The following CTNNA1 variants were observed in gnomAD, a reference collection of about 807,000 sequenced individuals.
CTNNA1 encodes catenin alpha 1.
A neutral mutation model predicts 98.4 loss-of-function variants in CTNNA1; 37 were observed. The ratio of observed to expected loss-of-function variants is 0.38; its 90% confidence interval spans 0.29 to 0.49. CTNNA1 has a LOEUF of 0.49. Among genes scored for constraint, CTNNA1 ranks in the 20% least tolerant of loss-of-function variants. The pLI is 0.95. For missense variants in CTNNA1, 761 were observed against 1,147.2 expected (o/e 0.66, Z 4.86); for synonymous variants, 404 against 413.2 (o/e 0.98, Z 0.27).
chr5:138,775,325 G>A (rs1414892191), intron 1 of CTNNA1, among the ~76,000 whole-genome samples: 2 of 152,144 alleles, frequency 1.3e-5, no homozygotes, highest in Non-Finnish European at 1.5e-5. Flanking sequence ...CATTTCCTAA[G>A]GTTCACTGAC....
intron 10 of CTNNA1, among the ~76,000 whole-genome samples, chr5:138,915,016 G>A (rs903386724): frequency 3.9e-5 from 6 of 152,016 alleles, no homozygotes; most frequent in African/African-American, 7.2e-5. Flanking sequence ...ATGTGGTGGC[G>A]GGCGCCTGTA....
intron 1 of CTNNA1, among the ~76,000 whole-genome samples, chr5:138,780,273 T>G (rs942919467): frequency 1.3e-5 from 2 of 151,850 alleles, no homozygotes; most frequent in African/African-American, 4.8e-5. Context: ...TACTGCAAGC[T>G]CCGTCTCTGG....
At chr5:138,856,241 C>T (rs977637367) in intron 7 of CTNNA1, among the ~76,000 whole-genome samples, 11 of 152,188 alleles carry the variant, frequency 7.2e-5, no homozygotes, top group South Asian at 2.1e-4. Context: ...TGTATATGAA[C>T]GTAACAAATT....
intron 5 of CTNNA1, among the ~76,000 whole-genome samples, chr5:138,813,637 T>C (rs555425969): frequency 1.3e-5 from 2 of 152,284 alleles, no homozygotes; most frequent in South Asian, 2.1e-4. Context: ...AAAAAAATTT[T>C]TTTTGAGGCA....
At chr5:138,862,375 A>G (rs1010431802) in intron 7 of CTNNA1, among the ~76,000 whole-genome samples, 8 of 152,252 alleles carry the variant, frequency 5.3e-5, no homozygotes, top group Admixed American at 1.3e-4. Context: ...AAGGAACGTA[A>G]TAGTGATCCT....
intron 13 of CTNNA1, among the ~76,000 whole-genome samples, chr5:138,928,217 C>T (rs1345244024): frequency 6.6e-6 from 1 of 152,292 alleles, no homozygotes; most frequent in South Asian, 2.1e-4. Context: ...CCTGCTGCCC[C>T]CTTACTGATA....
At chr5:138,917,110 T>C (rs1015469796) in intron 10 of CTNNA1, among the ~76,000 whole-genome samples, 2 of 152,232 alleles carry the variant, frequency 1.3e-5, no homozygotes, top group Non-Finnish European at 2.9e-5. Flanking sequence ...TATACATTTT[T>C]TGAGCAGTTT....
intron 3 of CTNNA1, among the ~76,000 whole-genome samples, chr5:138,792,688 A>G (rs1756509090): frequency 6.6e-6 from 1 of 152,194 alleles, no homozygotes; most frequent in South Asian, 2.1e-4. Context: ...GATCTCACAT[A>G]TGGGCTCTTT....
chr5:138,761,347 G>A (rs1752344967), intron 1 of CTNNA1, among the ~76,000 whole-genome samples: 1 of 152,070 alleles, frequency 6.6e-6, no homozygotes, highest in Non-Finnish European at 1.5e-5. Flanking sequence ...TGATTCTCCT[G>A]CCTCAGCTTC....
intron 7 of CTNNA1, among the ~76,000 whole-genome samples, chr5:138,861,586 A>T (rs953071524): frequency 2.0e-5 from 3 of 152,166 alleles, no homozygotes; most frequent in African/African-American, 7.2e-5. Flanking sequence ...CCCCACTCCC[A>T]ATTAAAAACA....
chr5:138,788,373 G>T (rs1420026675), intron 3 of CTNNA1, among the ~76,000 whole-genome samples: 1 of 152,068 alleles, frequency 6.6e-6, no homozygotes, highest in African/African-American at 2.4e-5. Flanking sequence ...TTCCTTTCCA[G>T]TGCCAAATGT....
intron 3 of CTNNA1, among the ~76,000 whole-genome samples, chr5:138,798,752 A>G (rs1443483224): frequency 1.3e-5 from 2 of 152,090 alleles, no homozygotes; most frequent in African/African-American, 4.8e-5. Context: ...GACAGATTTT[A>G]TTTCATGGCA....
At chr5:138,815,092 A>G (rs1288980345) in intron 5 of CTNNA1, among the ~76,000 whole-genome samples, 3 of 152,212 alleles carry the variant, frequency 2.0e-5, no homozygotes, top group Admixed American at 6.5e-5. Context: ...CTAGAAAGTA[A>G]TGCTACCTGA....
intron 5 of CTNNA1, among the ~76,000 whole-genome samples, chr5:138,814,276 T>G (rs1759172445): frequency 6.6e-6 from 1 of 151,562 alleles, no homozygotes. Flanking sequence ...GAGATGGAGT[T>G]TCGCTCTTGT....
At chr5:138,895,200 T>C (rs577116801) in intron 9 of CTNNA1, among the ~76,000 whole-genome samples, 5 of 152,116 alleles carry the variant, frequency 3.3e-5, no homozygotes, top group Non-Finnish European at 7.4e-5. Flanking sequence ...GCCCAGGTGC[T>C]CAACATTCAG....
At chr5:138,896,079 G>T (rs1756728734) in intron 9 of CTNNA1, among the ~76,000 whole-genome samples, 1 of 152,198 alleles carries the variant, frequency 6.6e-6, no homozygotes, top group Non-Finnish European at 1.5e-5. Context: ...ATGATGCCTT[G>T]TGTGTATATC....
At chr5:138,773,328 G>A (rs1753751170) in intron 1 of CTNNA1, among the ~76,000 whole-genome samples, 1 of 152,234 alleles carries the variant, frequency 6.6e-6, no homozygotes, top group South Asian at 2.1e-4. Flanking sequence ...GTGCCTTTCT[G>A]TCATGACGGC....
intron 10 of CTNNA1, among the ~76,000 whole-genome samples, chr5:138,905,115 C>CATACATACATAA: frequency 6.8e-6 from 1 of 146,470 alleles, no homozygotes. Flanking sequence ...AAAAAAAATA[C>CATACATACATAA]ATACATACAT....
intron 11 of CTNNA1, among the ~76,000 whole-genome samples, chr5:138,922,765 C>T (rs1335461123): frequency 1.3e-5 from 2 of 152,000 alleles, no homozygotes; most frequent in African/African-American, 2.4e-5. Flanking sequence ...GTAGCCTCAG[C>T]GAGGCTGGGG....
Sources: gnomAD v4.1 joint callset for allele counts (sites outside exome capture counted in the v4.1 genomes callset) on GRCh38, gnomAD v4.1.1 for gene constraint, MANE v1.5 for transcripts, NCBI Gene and HGNC (gene_info 2026-07-23, HGNC 2026-07-21) for gene names.